The following NUDT3 variants were observed in gnomAD, a reference collection of about 807,000 sequenced individuals.
NUDT3 encodes the protein nudix hydrolase 3, also known as diphosphoinositol polyphosphate phosphohydrolase 1.
In NUDT3, 9 loss-of-function variants were observed where a neutral mutation model predicts 23.6. The ratio of observed to expected loss-of-function variants is 0.38; its 90% CI spans 0.23 to 0.66. The LOEUF (loss-of-function observed/expected upper bound fraction) is 0.66. NUDT3 is among the 30% of genes least tolerant of loss of function. The pLI is 0.52. For synonymous variants in NUDT3, 86 were observed against 82.6 expected, an observed-to-expected ratio of 1.04 and a Z score of -0.22; for missense variants, 172 against 218.5, an observed-to-expected ratio of 0.79 and a Z score of 1.34.
At chr6:34,366,508 G>GGAGA (rs1370015840) in intron 1 of NUDT3, among the ~76,000 whole-genome samples, 2 of 134,794 alleles carry the variant, frequency 1.5e-5, no homozygotes, top group Admixed American at 7.4e-5. Context: ...AGGGAGGGAG[G>GGAGA]GAGGGAGAGA....
intron 1 of NUDT3, among the ~76,000 whole-genome samples, chr6:34,344,590 T>G: frequency 6.6e-6 from 1 of 152,074 alleles, no homozygotes; most frequent in African/African-American, 2.4e-5. Context: ...CAGGGTTTTA[T>G]TTGGGGAAAA....
At position 34,279,776 on chromosome 6, in the gene NUDT3, T is replaced by G. The variant is rs1763261147; in HGVS notation, c.*8977A>C. 6.6e-6 allele frequency: 1 copy of G among 152,218 alleles called. No homozygotes were observed. Among genetic ancestry groups the G allele is most frequent in the South Asian group, 2.1e-4 (1 of 4,830 alleles). 9.4% of individuals were successfully genotyped at this position (152,218 alleles called of 1,614,324 possible). The stretch of plus-strand genomic sequence containing the variant: ...CACAGCTCAAATGGAAGGAAACTGA[T>G]TAACACATAGAAAGGAACGGCAGGC... On this transcript the variant is annotated 3_prime_UTR_variant, in exon 5 of 5. Coordinates refer to ENST00000607016, the MANE Select transcript of NUDT3 (RefSeq NM_006703.4).
intron 1 of NUDT3, among the ~76,000 whole-genome samples, chr6:34,372,176 C>A (rs1764842587): frequency 6.6e-6 from 1 of 152,132 alleles, no homozygotes; most frequent in African/African-American, 2.4e-5. Context: ...CAAGTCTTTG[C>A]TATTGTGAAT....
In NUDT3 at chr6:34,392,603, C is replaced by A. The variant is rs1252923308; in HGVS notation, c.-241G>T. ...TCTCCGCTGCCGCCAGGGCCGCCGC[C>A]CCCTCTGCCGCCGCCACCCCCGACG... On this transcript the variant is annotated 5_prime_UTR_variant, in exon 1 of 5. Coordinates refer to ENST00000607016, the MANE Select transcript of NUDT3 (RefSeq NM_006703.4). 1.4e-5 allele frequency: 4 copies of A among 296,058 alleles called. No individual in the cohort carries two copies. The highest frequency in any genetic ancestry group is 1.9e-5 in the Non-Finnish European group (3 of 161,044). The allele number at this position is 296,058 out of a possible 1,614,324, so 18.3% of individuals were successfully genotyped here.
Position 34,355,966 on chromosome 6 carries a change from A to G in NUDT3, c.100-13994T>C, listed in dbSNP as rs573826312. Among the ~76,000 whole-genome samples, 32 of 152,188 alleles carry G rather than the reference A, an allele frequency of 2.1e-4. No individual in the cohort carries two copies. In the South Asian group the frequency reaches 6.4e-3, roughly 31 times the overall value. Reference sequence around the variant, plus strand: ...ATCTGTATCCTTTGCAATGTCCTTTATAATAAACCAGTAAACATAAGACCC... The same window carrying G: ...ATCTGTATCCTTTGCAATGTCCTTTGTAATAAACCAGTAAACATAAGACCC... On this transcript the variant is annotated intron_variant, in intron 1 of 4. Coordinates refer to ENST00000607016, the MANE Select transcript of NUDT3 (RefSeq NM_006703.4).
At chr6:34,359,605 C>T (rs60100381) in intron 1 of NUDT3, among the ~76,000 whole-genome samples, 11,251 of 152,260 alleles carry the variant, frequency 0.074, 1,231 homozygotes, top group East Asian at 0.44. Context: ...ATCACCACCT[C>T]ATTCCTTATA....
intron 3 of NUDT3, among the ~76,000 whole-genome samples, chr6:34,294,042 C>G (rs1763463657): frequency 6.6e-6 from 1 of 152,176 alleles, no homozygotes; most frequent in South Asian, 2.1e-4. Flanking sequence ...CGGTAGAGCG[C>G]AGTGGCATGA....
At chr6:34,310,611 G>C (rs1763756221) in intron 2 of NUDT3, among the ~76,000 whole-genome samples, 1 of 152,074 alleles carries the variant, frequency 6.6e-6, no homozygotes, top group African/African-American at 2.4e-5. Context: ...TGGGCCACTG[G>C]TGAATTCTAC....
At chr6:34,346,431 A>C (rs2113738603) in intron 1 of NUDT3, among the ~76,000 whole-genome samples, 1 of 152,358 alleles carries the variant, frequency 6.6e-6, no homozygotes, top group East Asian at 1.9e-4. Context: ...AGGCCATCCA[A>C]TGAAGTTACA....
intron 1 of NUDT3, among the ~76,000 whole-genome samples, chr6:34,381,249 C>T (rs935645854): frequency 2.0e-5 from 3 of 152,108 alleles, no homozygotes; most frequent in African/African-American, 7.2e-5. Context: ...AACTCTTGAG[C>T]TCAAGCAATC....
chr6:34,333,416 A>G lies in NUDT3; in HGVS notation c.210+8446T>C, dbSNP rs577152731. ...TATAAAAACTTTTTCTAGTAACAAA[A>G]GAAACATACACTCAATGCAGAGAAC... is the stretch of plus-strand genomic sequence containing the variant. On this transcript the variant is annotated intron_variant, in intron 2 of 4. Transcript: ENST00000607016. 1.4e-3 allele frequency among the ~76,000 whole-genome samples: 218 copies of G among 152,360 alleles called. 1 individual carries two copies. Among genetic ancestry groups the G allele is most frequent in the African/African-American group, 4.9e-3 (203 of 41,582 alleles).
At chr6:34,384,391 T>C (rs1352421297) in intron 1 of NUDT3, among the ~76,000 whole-genome samples, 1 of 152,132 alleles carries the variant, frequency 6.6e-6, no homozygotes, top group Non-Finnish European at 1.5e-5. Context: ...ACAATCCTAT[T>C]AGTAGTCATT....
At chr6:34,305,651 C>T (rs887149745) in intron 2 of NUDT3, among the ~76,000 whole-genome samples, 1 of 152,166 alleles carries the variant, frequency 6.6e-6, no homozygotes, top group South Asian at 2.1e-4. Flanking sequence ...GTCCATTTAA[C>T]TTTCTAATAT....
chr6:34,341,173 A>G (rs1554153167), intron 2 of NUDT3, among the ~76,000 whole-genome samples: 1 of 152,208 alleles, frequency 6.6e-6, no homozygotes, highest in Non-Finnish European at 1.5e-5. Flanking sequence ...TGGTGTCACC[A>G]CAAGAGGCTA....
At position 34,328,834 on chromosome 6, in the gene NUDT3, C is replaced by T. The variant is rs139879856; in HGVS notation, c.210+13028G>A. Reference sequence around the variant, plus strand: ...TTAATATATTATTCATAAAGTTTTGCTACTAAATGATATATAATTTTGTGA... The same window carrying T: ...TTAATATATTATTCATAAAGTTTTGTTACTAAATGATATATAATTTTGTGA... On this transcript the variant is annotated intron_variant, in intron 2 of 4. Coordinates refer to ENST00000607016, the MANE Select transcript of NUDT3 (RefSeq NM_006703.4). Among the ~76,000 whole-genome samples, 742 of 152,232 alleles carry T rather than the reference C, an allele frequency of 4.9e-3. 10 individuals carry two copies. Among genetic ancestry groups the T allele is most frequent in the Middle Eastern group, 0.014 (4 of 294 alleles).
intron 2 of NUDT3, among the ~76,000 whole-genome samples, chr6:34,327,301 C>T (rs930145642): frequency 5.9e-5 from 9 of 151,848 alleles, no homozygotes; most frequent in Non-Finnish European, 1.3e-4. Context: ...GAGGCCGAGG[C>T]GGGTGGATCA....
At position 34,285,475 on chromosome 6, in the gene NUDT3, C is replaced by T. The variant is rs1459988442; in HGVS notation, c.*3278G>A. 6.6e-6 allele frequency: 1 copy of T among 152,192 alleles called. No individual in the cohort carries two copies. The highest frequency in any genetic ancestry group is 1.5e-5 in the Non-Finnish European group (1 of 68,040). 9.4% of individuals were successfully genotyped at this position (152,192 alleles called of 1,614,324 possible). ...GTTTGGTAGACTTTAATGGATGCTC[C>T]AGCAATAACCAGAATCTAGGACATG... On this transcript the variant is annotated 3_prime_UTR_variant, in exon 5 of 5. Coordinates refer to ENST00000607016, the MANE Select transcript of NUDT3 (RefSeq NM_006703.4).
At position 34,285,759 on chromosome 6, in the gene NUDT3, T is replaced by C. The variant is rs1763326905; in HGVS notation, c.*2994A>G. On this transcript the variant is annotated 3_prime_UTR_variant, in exon 5 of 5. Coordinates refer to ENST00000607016, the MANE Select transcript of NUDT3 (RefSeq NM_006703.4). The stretch of plus-strand genomic sequence containing the variant: ...ATAAAGACAGTCATGGTGTTTACTG[T>C]GCCAAGGAGGGAAAATCCCAGATCA... The C allele has an allele frequency of 6.6e-6, 1 of 152,204 alleles. No individual in the cohort carries two copies. The highest frequency in any genetic ancestry group is 1.5e-5 in the Non-Finnish European group (1 of 68,030). The allele number at this position is 152,204 out of a possible 1,614,324, so 9.4% of individuals were successfully genotyped here.
chr6:34,366,536 G>A (rs973103542), intron 1 of NUDT3, among the ~76,000 whole-genome samples: 1 of 150,032 alleles, frequency 6.7e-6, no homozygotes, highest in African/African-American at 2.5e-5. Flanking sequence ...GCCAGGGGCA[G>A]AGAGGAGGCC....
Sources: allele counts gnomAD v4.1 joint callset (sites outside exome capture counted in the v4.1 genomes callset), GRCh38; gene constraint gnomAD v4.1.1; transcripts MANE v1.5; gene names NCBI Gene and HGNC (gene_info 2026-07-23, HGNC 2026-07-21).